PIK3CA: variants seen among roughly 807,000 people sequenced by gnomAD.
PIK3CA encodes phosphatidylinositol-4,5-bisphosphate 3-kinase catalytic subunit alpha, also known as phosphatidylinositol 4,5-bisphosphate 3-kinase catalytic subunit alpha isoform.
In PIK3CA, 27 loss-of-function variants were observed where a neutral mutation model predicts 138.2. The ratio of observed to expected loss-of-function variants is 0.20; its 90% CI spans 0.14 to 0.27. The LOEUF (loss-of-function observed/expected upper bound fraction) is 0.27. PIK3CA is among the 10% of genes least tolerant of loss of function. The pLI, the probability that PIK3CA is intolerant of heterozygous loss-of-function variation, is 1.00. For missense variants in PIK3CA, 544 were observed against 1,277.4 expected (o/e 0.43, Z 8.75); for synonymous variants, 358 against 413.2 (o/e 0.87, Z 1.62).
chr3:179,184,947 G>A (rs1723938622), intron 1 of PIK3CA, among the ~76,000 whole-genome samples: 1 of 152,208 alleles, frequency 6.6e-6, no homozygotes, highest in Non-Finnish European at 1.5e-5. Flanking sequence ...AGAAGGGATA[G>A]TACTTGAATA....
chr3:179,192,410 A>G (rs1724157633), intron 1 of PIK3CA, among the ~76,000 whole-genome samples: 1 of 152,260 alleles, frequency 6.6e-6, no homozygotes, highest in South Asian at 2.1e-4. Flanking sequence ...GCTCCCAGCA[A>G]TGAAAGTACC....
In PIK3CA at chr3:179,199,116, C is replaced by T. The variant is rs1051400; in HGVS notation, c.291C>T (p.Pro97=). 5.0e-6 allele frequency: 8 copies of T among 1,607,772 alleles called. No individual in the cohort carries two copies. The Admixed American group carries it at 1.2e-4, about 24-fold the overall frequency. Residue 97 remains proline (P), a synonymous_variant, in exon 2 of 21, where the codon CCC becomes CCT. Transcript: ENST00000263967. ...RRLCDLRLFQ[P]FLKVIEPVGN... is the part of the protein sequence containing the mutation. Reference sequence around the variant, plus strand: ...TTTGTGACCTTCGGCTTTTTCAACCCTTTTTAAAAGTAATTGAACCAGTAG... The same window carrying T: ...TTTGTGACCTTCGGCTTTTTCAACCTTTTTTAAAAGTAATTGAACCAGTAG...
chr3:179,211,661 C>T (rs1560142621), intron 9 of PIK3CA, among the ~76,000 whole-genome samples: 1 of 152,026 alleles, frequency 6.6e-6, no homozygotes, highest in Admixed American at 6.5e-5. Context: ...AGCAAGACTC[C>T]GTCTCAAAAA....
rs191109098 is a variant in PIK3CA, at chr3:179,187,845, G to A, written c.-76-10905G>A. 1.7e-3 allele frequency among the ~76,000 whole-genome samples: 262 copies of A among 152,034 alleles called. 1 individual carries two copies. Among genetic ancestry groups the A allele is most frequent in the African/African-American group, 6.1e-3 (252 of 41,500 alleles). ...GTAGAGATGGGGTTTCACCATGTTG[G>A]CCAGGCTGGTCTCGATCTCCTGACC... is the stretch of plus-strand genomic sequence containing the variant. On this transcript the variant is annotated intron_variant, in intron 1 of 20. Transcript: ENST00000263967.
intron 1 of PIK3CA, among the ~76,000 whole-genome samples, chr3:179,179,918 T>C (rs1257332151): frequency 6.6e-6 from 1 of 152,084 alleles, no homozygotes; most frequent in Non-Finnish European, 1.5e-5. Context: ...ATGAGTATGA[T>C]TAAAATGGCA....
Position 179,198,855 on chromosome 3 carries a change from G to A in PIK3CA, c.30G>A (p.Leu10=), listed in dbSNP as rs758862912. 3 of 1,573,582 alleles carry A rather than the reference G, an allele frequency of 1.9e-6. No individual in the cohort carries two copies. Among genetic ancestry groups the A allele is most frequent in the Non-Finnish European group, 1.7e-6 (2 of 1,162,566 alleles). The change falls in exon 2 of 21, where the codon CTG becomes CTA. Residue 10 remains leucine, a synonymous_variant. Coordinates refer to ENST00000263967, the MANE Select transcript of PIK3CA (RefSeq NM_006218.4). ...CTCCACGACCATCATCAGGTGAACT[G>A]TGGGGCATCCACTTGATGCCCCCAA... MPPRPSSGE[L]WGIHLMPPRI...
chr3:179,186,210 T>G (rs1020834887), intron 1 of PIK3CA, among the ~76,000 whole-genome samples: 6 of 152,224 alleles, frequency 3.9e-5, no homozygotes, highest in African/African-American at 7.2e-5. Flanking sequence ...TAAATATGTA[T>G]TTCACAATAT....
intron 7 of PIK3CA, 138 bp from the exon 8 acceptor site, chr3:179,210,048 C>T: frequency 3.2e-6 from 2 of 620,856 alleles, no homozygotes; most frequent in Non-Finnish European, 5.2e-6. Context: ...GGGCTTAAAC[C>T]TTGAAAAATC....
At chr3:179,225,103 G>A (rs1393416705) in intron 16 of PIK3CA, among the ~76,000 whole-genome samples, 1 of 151,582 alleles carries the variant, frequency 6.6e-6, no homozygotes, top group African/African-American at 2.4e-5. Context: ...CCTGTGTAGA[G>A]AAGTATTTTT....
At chr3:179,160,151 G>T (rs1162305934) in intron 1 of PIK3CA, among the ~76,000 whole-genome samples, 1 of 152,044 alleles carries the variant, frequency 6.6e-6, no homozygotes, top group South Asian at 2.1e-4. Context: ...AAGTAATTGC[G>T]CTACAATGTT....
At chr3:179,184,229 T>A (rs764002758) in intron 1 of PIK3CA, among the ~76,000 whole-genome samples, 3 of 152,256 alleles carry the variant, frequency 2.0e-5, no homozygotes, top group African/African-American at 4.8e-5. Flanking sequence ...CTATAAGTAT[T>A]GGCAGAATCA....
chr3:179,201,196 A>G lies in PIK3CA; in HGVS notation c.563-94A>G. The G allele has an allele frequency of 2.9e-6, 3 of 1,022,658 alleles. No homozygotes were observed. In the South Asian group the frequency reaches 4.8e-5, roughly 16 times the overall value. 63.3% of individuals were successfully genotyped at this position (1,022,658 alleles called of 1,614,324 possible). A position where few individuals can be genotyped will look rare whatever the true frequency, so the allele number is the denominator to read the frequency against. Reference sequence around the variant, plus strand: ...GGGCTGATTAAAAAGCATTTCTGATATGGATAAAGTAATGATAGTGAATAC... The same window carrying G: ...GGGCTGATTAAAAAGCATTTCTGATGTGGATAAAGTAATGATAGTGAATAC... On this transcript the variant is annotated intron_variant, in intron 3 of 20. Coordinates refer to ENST00000263967, the MANE Select transcript of PIK3CA (RefSeq NM_006218.4).
intron 1 of PIK3CA, among the ~76,000 whole-genome samples, chr3:179,153,686 C>T (rs1560120619): frequency 1.3e-5 from 2 of 152,154 alleles, no homozygotes. Context: ...CATTGCTCTG[C>T]AGAAGTTTCT....
chr3:179,168,562 C>T (rs1322081093), intron 1 of PIK3CA, among the ~76,000 whole-genome samples: 3 of 152,066 alleles, frequency 2.0e-5, no homozygotes, highest in Non-Finnish European at 4.4e-5. Context: ...TCCTTTCTTC[C>T]ATTTTTCTCT....
intron 20 of PIK3CA, among the ~76,000 whole-genome samples, chr3:179,231,582 C>T (rs996933203): frequency 1.7e-4 from 24 of 141,004 alleles, no homozygotes; most frequent in African/African-American, 6.5e-4. Context: ...GTTTGTTGAC[C>T]ATTTATATAT....
At chr3:179,182,127 G>A (rs928213001) in intron 1 of PIK3CA, among the ~76,000 whole-genome samples, 5 of 151,928 alleles carry the variant, frequency 3.3e-5, no homozygotes, top group Admixed American at 3.3e-4. Flanking sequence ...ACTTTCTTAC[G>A]TCTTCCTCTG....
chr3:179,172,925 C>G (rs1293235811), intron 1 of PIK3CA, among the ~76,000 whole-genome samples: 1 of 151,920 alleles, frequency 6.6e-6, no homozygotes, highest in Non-Finnish European at 1.5e-5. Context: ...TATAAAGCTA[C>G]AATAATCAAA....
At chr3:179,152,941 A>G (rs979203657) in intron 1 of PIK3CA, among the ~76,000 whole-genome samples, 1 of 152,174 alleles carries the variant, frequency 6.6e-6, no homozygotes, top group African/African-American at 2.4e-5. Flanking sequence ...GCAGGAGGGT[A>G]CAGTCTAAAC....
At chr3:179,183,011 C>A (rs1264870267) in intron 1 of PIK3CA, among the ~76,000 whole-genome samples, 2 of 152,174 alleles carry the variant, frequency 1.3e-5, no homozygotes, top group Non-Finnish European at 2.9e-5. Flanking sequence ...AGCTAGGTGA[C>A]ACTTGTGCTG....
Sources: gnomAD v4.1 joint callset for allele counts (sites outside exome capture counted in the v4.1 genomes callset) on GRCh38, gnomAD v4.1.1 for gene constraint, MANE v1.5 for transcripts, NCBI Gene and HGNC (gene_info 2026-07-23, HGNC 2026-07-21) for gene names.